The following P4HA3 variants were observed in gnomAD, a reference collection of about 807,000 sequenced individuals.
The protein encoded by P4HA3 is prolyl 4-hydroxylase subunit alpha-3.
A neutral mutation model predicts 66.7 loss-of-function variants in P4HA3; 60 were observed. That is an observed-to-expected ratio of 0.90 (90% CI 0.73 to 1.12). The LOEUF (loss-of-function observed/expected upper bound fraction) is 1.12, where lower values mean the gene tolerates loss of function less well. P4HA3 is among the 50% of genes most tolerant of loss of function. P4HA3 has a pLI of 0.00. For synonymous variants in P4HA3, 263 were observed against 274.6 expected (o/e 0.96, Z 0.42); for missense variants, 683 against 685.8 (o/e 1.00, Z 0.05).
intron 10 of P4HA3, among the ~76,000 whole-genome samples, chr11:74,271,854 G>C (rs1000471551): frequency 6.6e-6 from 1 of 151,996 alleles, no homozygotes; most frequent in Admixed American, 6.5e-5. Flanking sequence ...GAAAGACTTG[G>C]GCATAATCTA....
At chr11:74,306,680 A>G (rs1196563345) in intron 1 of P4HA3, among the ~76,000 whole-genome samples, 1 of 152,224 alleles carries the variant, frequency 6.6e-6, no homozygotes, top group Non-Finnish European at 1.5e-5. Flanking sequence ...CTTGGAGCAG[A>G]GTCTTATCTG....
chr11:74,289,185 T>C, intron 4 of P4HA3, 55 bp from the exon 5 acceptor site: 1 of 1,328,162 alleles, frequency 7.5e-7, no homozygotes, highest in Non-Finnish European at 1.0e-6. Context: ...GGATATCTCT[T>C]CTGAACAAAC....
chr11:74,281,552 T>G (rs1351840166), intron 7 of P4HA3, among the ~76,000 whole-genome samples: 3,279 of 152,048 alleles, frequency 0.022, 109 homozygotes, highest in African/African-American at 0.073. Flanking sequence ...CCATAAAAAA[T>G]GATGAGTTCA....
intron 1 of P4HA3, 86 bp from the exon 2 acceptor site, chr11:74,304,498 T>C: frequency 1.4e-6 from 2 of 1,446,234 alleles, no homozygotes; most frequent in African/African-American, 2.8e-5. Flanking sequence ...ACATTAAGAG[T>C]AGCTAACACT....
chr11:74,301,446 C>T (rs888956677), intron 3 of P4HA3, among the ~76,000 whole-genome samples: 2 of 152,142 alleles, frequency 1.3e-5, no homozygotes, highest in African/African-American at 4.8e-5. Flanking sequence ...TGATTGAGCT[C>T]TGATTCCACT....
intron 4 of P4HA3, among the ~76,000 whole-genome samples, chr11:74,292,889 G>A (rs954841695): frequency 4.6e-5 from 7 of 152,180 alleles, no homozygotes; most frequent in Admixed American, 1.3e-4. Context: ...TTTGGAGTAG[G>A]TATGGTGTGG....
At chr11:74,250,674 G>A (rs567560672) in intron 15 of P4HA3, 2 of 378,356 alleles carry the variant, frequency 5.3e-6, no homozygotes, top group East Asian at 8.4e-5. Context: ...CTACTGGACT[G>A]TAAATCCCCT....
At chr11:74,257,611 C>A (rs557020046) in intron 15 of P4HA3, among the ~76,000 whole-genome samples, 1 of 152,056 alleles carries the variant, frequency 6.6e-6, no homozygotes, top group Non-Finnish European at 1.5e-5. Context: ...GGAGTCAGGG[C>A]ATAAAGGCCT....
At chr11:74,290,393 T>G (rs543741240) in intron 4 of P4HA3, among the ~76,000 whole-genome samples, 3 of 150,164 alleles carry the variant, frequency 2.0e-5, no homozygotes, top group Non-Finnish European at 4.5e-5. Context: ...ATTTTGTAGG[T>G]TGCCTGTTCA....
intron 4 of P4HA3, among the ~76,000 whole-genome samples, chr11:74,292,213 A>T (rs1861053978): frequency 1.3e-5 from 2 of 152,122 alleles, no homozygotes; most frequent in Admixed American, 6.6e-5. Context: ...TTTCCTCTAG[A>T]TTTGATAGTT....
At position 74,256,947 on chromosome 11, in the gene P4HA3, C is replaced by T. The variant is rs73549061; in HGVS notation, c.*1318+2976G>A. Reference sequence around the variant, plus strand: ...TGCTGATTAAGCAAACCCGAGCACCCAATATGTGCCAGGCATCCAATGGAC... The same window carrying T: ...TGCTGATTAAGCAAACCCGAGCACCTAATATGTGCCAGGCATCCAATGGAC... On this transcript the variant is annotated intron_variant and NMD_transcript_variant, in intron 15 of 15. Transcript: ENST00000524388. Among the ~76,000 whole-genome samples the T allele has an allele frequency of 5.9e-3, 892 of 152,186 alleles. 5 individuals are homozygous for T. The highest frequency in any genetic ancestry group is 0.02 in the African/African-American group (844 of 41,492).
At position 74,298,998 on chromosome 11, in the gene P4HA3, T is replaced by TCA. The variant is rs753311578; in HGVS notation, c.568-638_568-637insTG. On this transcript the variant is annotated intron_variant, in intron 3 of 12. Coordinates refer to ENST00000331597, the MANE Select transcript of P4HA3 (RefSeq NM_182904.5). ...GGATTACATTCATTCATTCATTCAT[T>TCA]TATTCAATATTTACTAAGTATTTTC... Among the ~76,000 whole-genome samples the TCA allele has an allele frequency of 6.3e-3, 965 of 152,390 alleles. 10 individuals are homozygous for TCA. Among genetic ancestry groups the TCA allele is most frequent in the African/African-American group, 0.02 (840 of 41,596 alleles).
At chr11:74,252,243 T>A (rs1859709855) in intron 15 of P4HA3, among the ~76,000 whole-genome samples, 1 of 148,110 alleles carries the variant, frequency 6.8e-6, no homozygotes, top group African/African-American at 2.6e-5. Context: ...AATTTTGTTT[T>A]TTTTTTTGTT....
chr11:74,267,014 C>T lies in P4HA3; in HGVS notation c.*234G>A, dbSNP rs141512905. On this transcript the variant is annotated 3_prime_UTR_variant, in exon 13 of 13. Coordinates refer to ENST00000331597, the MANE Select transcript of P4HA3 (RefSeq NM_182904.5). ...TTCCCTCTCAGGCCTCCACTCCCCC[C>T]TCCTTTGTACTGTGCATCCTACTCT... 12 of 1,512,146 alleles carry T rather than the reference C, an allele frequency of 7.9e-6. No homozygotes were observed. Among genetic ancestry groups the T allele is most frequent in the African/African-American group, 1.4e-5 (1 of 72,430 alleles). 93.7% of individuals were successfully genotyped at this position (1,512,146 alleles called of 1,614,324 possible). A position where few individuals can be genotyped will look rare whatever the true frequency, so the allele number is the denominator to read the frequency against.
intron 7 of P4HA3, among the ~76,000 whole-genome samples, chr11:74,284,951 G>A (rs182518640): frequency 1.3e-4 from 20 of 152,194 alleles, no homozygotes; most frequent in Non-Finnish European, 2.4e-4. Flanking sequence ...CGTTGGGCCC[G>A]CTAGCCCTGA....
chr11:74,260,735 T>C (rs75016025), intron 14 of P4HA3, among the ~76,000 whole-genome samples: 4,149 of 152,202 alleles, frequency 0.027, 186 homozygotes, highest in African/African-American at 0.095. Flanking sequence ...TGGCAAAAAT[T>C]GCAGTTACTT....
Position 74,279,438 on chromosome 11 carries a change from C to T in P4HA3, c.1125G>A (p.Val375=). The T allele has an allele frequency of 1.2e-6, 2 of 1,613,912 alleles. No homozygotes were observed. The highest frequency in any genetic ancestry group is 1.7e-6 in the Non-Finnish European group (2 of 1,179,852). The part of the protein sequence containing the change: ...ELAEPWLQRS[V]VASGEKQLQV... Reference sequence around the variant, plus strand: ...GTAACTGCTTCTCCCCTGATGCCACCACTGACCTCTGTAGCTGGTGGGAAG... The same window carrying T: ...GTAACTGCTTCTCCCCTGATGCCACTACTGACCTCTGTAGCTGGTGGGAAG... The change falls in exon 8 of 13, where the codon GTG becomes GTA. Residue 375 remains valine, a synonymous_variant. Coordinates refer to ENST00000331597, the MANE Select transcript of P4HA3 (RefSeq NM_182904.5).
chr11:74,262,981 C>T (rs140974001), downstream of P4HA3, among the ~76,000 whole-genome samples: 26 of 152,370 alleles, frequency 1.7e-4, no homozygotes, highest in South Asian at 4.4e-3. Flanking sequence ...GGCCGCTGCA[C>T]CTTGTGCTCT....
intron 10 of P4HA3, among the ~76,000 whole-genome samples, chr11:74,271,809 C>T (rs1591091671): frequency 1.3e-5 from 2 of 152,214 alleles, no homozygotes; most frequent in South Asian, 4.2e-4. Flanking sequence ...AAATGTTTGT[C>T]TTGAAATTGT....
Sources: allele counts gnomAD v4.1 joint callset (sites outside exome capture counted in the v4.1 genomes callset), GRCh38; gene constraint gnomAD v4.1.1; transcripts MANE v1.5; gene names NCBI Gene and HGNC (gene_info 2026-07-23, HGNC 2026-07-21).